The following KIRREL3 variants were observed in gnomAD, a reference collection of about 807,000 sequenced individuals.
The protein encoded by KIRREL3 is kin of IRRE-like protein 3.
KIRREL3 carries 36 observed loss-of-function variants against 89.7 expected under a neutral mutation model. The observed-to-expected ratio is 0.40, with a 90% CI of 0.31 to 0.53. The LOEUF is 0.53. Ranked by LOEUF, KIRREL3 falls within the 20% of genes least tolerant of loss-of-function variation. The pLI is 0.49. For missense variants in KIRREL3, 864 were observed against 1,056.6 expected, an observed-to-expected ratio of 0.82 and a Z score of 2.53; for synonymous variants, 445 against 441.4, an observed-to-expected ratio of 1.01 and a Z score of -0.10.
At chr11:126,440,773 C>A (rs1955533128) in intron 10 of KIRREL3, 5 of 597,888 alleles carry the variant, frequency 8.4e-6, no homozygotes, top group South Asian at 5.9e-5. Flanking sequence ...TAAGTCAGAA[C>A]CCCCAGAAGA....
chr11:126,999,597 G>A lies in KIRREL3; in HGVS notation c.55+858C>T, dbSNP rs572835566. On this transcript the variant is annotated intron_variant, in intron 1 of 16. Coordinates refer to ENST00000525144, the MANE Select transcript of KIRREL3 (RefSeq NM_032531.4). This position sits in a 1 kb window ranked among gnomAD's most constrained non-coding sequence, Gnocchi z 5.7. ...AGAGCGGGAAGGAGCCCATGTACTT[G>A]CCCCTCCAAACTCAATTCCACAGGT... is the stretch of plus-strand genomic sequence containing the variant. 6.6e-6 allele frequency among the ~76,000 whole-genome samples: 1 copy of A among 152,208 alleles called. No individual in the cohort carries two copies. Among genetic ancestry groups the A allele is most frequent in the Non-Finnish European group, 1.5e-5 (1 of 68,038 alleles).
In KIRREL3 at chr11:126,872,649, CT is replaced by C. The variant is rs1945145425; in HGVS notation, c.55+127805del. On this transcript the variant is annotated intron_variant, in intron 1 of 16. Coordinates refer to ENST00000525144, the MANE Select transcript of KIRREL3 (RefSeq NM_032531.4). This position sits in a 1 kb window ranked among gnomAD's most constrained non-coding sequence, Gnocchi z 4.2. ...TGAAAAAATGCTCCAGAGTGTCTATCTTTTCTTTCTCTGTCTCCCTCCTATC... is the reference window on the plus strand; with the variant it reads ...TGAAAAAATGCTCCAGAGTGTCTATCTTTCTTTCTCTGTCTCCCTCCTATC... Among the ~76,000 whole-genome samples, 1 of 152,212 alleles carries C rather than the reference CT, an allele frequency of 6.6e-6. No homozygotes were observed. Among genetic ancestry groups the C allele is most frequent in the Admixed American group, 6.5e-5 (1 of 15,278 alleles).
chr11:126,724,179 C>T lies in KIRREL3; in HGVS notation c.56-161267G>A, dbSNP rs2134176807. 6.6e-6 allele frequency among the ~76,000 whole-genome samples: 1 copy of T among 152,286 alleles called. No homozygotes were observed. The highest frequency in any genetic ancestry group is 1.9e-4 in the East Asian group (1 of 5,184). ...GAGACAATGTGGGGAAGAACATCAC[C>T]CCCATTTCAACCTTCAGAGGCAGGT... On this transcript the variant is annotated intron_variant, in intron 1 of 16. Transcript: ENST00000525144. The surrounding 1 kb of genome is among the most constrained non-coding windows in gnomAD (Gnocchi z 4.3).
Position 126,808,352 on chromosome 11 carries a change from C to A in KIRREL3, c.55+192103G>T, listed in dbSNP as rs73024536. 0.031 allele frequency among the ~76,000 whole-genome samples: 4,721 copies of A among 152,268 alleles called. 78 individuals are homozygous for A. Among genetic ancestry groups the A allele is most frequent in the African/African-American group, 0.044 (1,815 of 41,548 alleles). On this transcript the variant is annotated intron_variant, in intron 1 of 16. Coordinates refer to ENST00000525144, the MANE Select transcript of KIRREL3 (RefSeq NM_032531.4). This position sits in a 1 kb window ranked among gnomAD's most constrained non-coding sequence, Gnocchi z 4.1. ...AATGGGGGTGCAGCTTTCAAGGAGT[C>A]ATTTCAGCAATTTAGTCCTTGCTCC... is the stretch of plus-strand genomic sequence containing the variant.
At chr11:126,638,485 T>C (rs376944430) in intron 1 of KIRREL3, among the ~76,000 whole-genome samples, 1 of 152,230 alleles carries the variant, frequency 6.6e-6, no homozygotes, top group African/African-American at 2.4e-5. Flanking sequence ...TCTGGCCTAG[T>C]GTCACAGAAT....
intron 1 of KIRREL3, among the ~76,000 whole-genome samples, chr11:126,626,200 G>A (rs757335311): frequency 6.6e-6 from 1 of 152,232 alleles, no homozygotes; most frequent in Non-Finnish European, 1.5e-5. Context: ...CAGAAAAACT[G>A]TCCTTCAACT....
intron 13 of KIRREL3, among the ~76,000 whole-genome samples, chr11:126,434,328 C>T (rs1050555014): frequency 4.6e-5 from 7 of 152,214 alleles, no homozygotes; most frequent in African/African-American, 4.8e-5. Flanking sequence ...ACAGGAGACA[C>T]GGAGACAGGA....
In KIRREL3 at chr11:126,424,740, T is replaced by G; in HGVS notation, c.2177A>C (p.Gln726Pro). 1.2e-6 allele frequency: 2 copies of G among 1,614,042 alleles called. No homozygotes were observed. The highest frequency in any genetic ancestry group is 1.7e-6 in the Non-Finnish European group (2 of 1,179,896). Residue 726 changes from glutamine (Q) to proline (P), a missense_variant, in exon 17 of 17, where the codon CAG becomes CCG. Physicochemically the swap from Gln to Pro is moderately conservative, Grantham distance 76 (BLOSUM62 -1). Transcript: ENST00000525144. ...LSDSSSFLDT[Q>P]CDSSVSSSGK... Reference sequence around the variant, plus strand: ...GCTGCTGCTGACGCTGCTGTCACACTGCGTGTCCAGGAAGGAGCTGCTGTC... The same window carrying G: ...GCTGCTGCTGACGCTGCTGTCACACGGCGTGTCCAGGAAGGAGCTGCTGTC...
Position 126,611,600 on chromosome 11 carries a change from G to C in KIRREL3, c.56-48688C>G, listed in dbSNP as rs1406951166. ...TGTCGTGAGGGCAATGGCCTGCAGA[G>C]TCCAAAGGTGGCTGTCATGTCATTT... On this transcript the variant is annotated intron_variant, in intron 1 of 16. Coordinates refer to ENST00000525144, the MANE Select transcript of KIRREL3 (RefSeq NM_032531.4). This position sits in a 1 kb window ranked among gnomAD's most constrained non-coding sequence, Gnocchi z 4.7. Among the ~76,000 whole-genome samples, 2 of 152,146 alleles carry C rather than the reference G, an allele frequency of 1.3e-5. No individual in the cohort carries two copies. Among genetic ancestry groups the C allele is most frequent in the African/African-American group, 4.8e-5 (2 of 41,418 alleles).
Position 126,641,626 on chromosome 11 carries a change from G to T in KIRREL3, c.56-78714C>A, listed in dbSNP as rs1489239556. Among the ~76,000 whole-genome samples the T allele has an allele frequency of 6.6e-6, 1 of 151,954 alleles. No homozygotes were observed. Among genetic ancestry groups the T allele is most frequent in the Non-Finnish European group, 1.5e-5 (1 of 68,004 alleles). On this transcript the variant is annotated intron_variant, in intron 1 of 16. Coordinates refer to ENST00000525144, the MANE Select transcript of KIRREL3 (RefSeq NM_032531.4). This position sits in a 1 kb window ranked among gnomAD's most constrained non-coding sequence, Gnocchi z 5.0. Reference sequence around the variant, plus strand: ...ACACCAGCCTCCTGGCTTCTTATGGGGATAGTGGCTGCATCATGTCCCACT... The same window carrying T: ...ACACCAGCCTCCTGGCTTCTTATGGTGATAGTGGCTGCATCATGTCCCACT...
chr11:126,488,374 G>A (rs772494675), intron 4 of KIRREL3, among the ~76,000 whole-genome samples: 9 of 152,360 alleles, frequency 5.9e-5, no homozygotes, highest in Non-Finnish European at 8.8e-5. Context: ...CAACCTTCCT[G>A]AGCCTCAGTT....
In KIRREL3 at chr11:126,551,065, A is replaced by C. The variant is rs916844746; in HGVS notation, c.133+11770T>G. 2.0e-5 allele frequency among the ~76,000 whole-genome samples: 3 copies of C among 152,170 alleles called. No individual in the cohort carries two copies. The highest frequency in any genetic ancestry group is 6.5e-5 in the Admixed American group (1 of 15,270). On this transcript the variant is annotated intron_variant, in intron 2 of 16. Coordinates refer to ENST00000525144, the MANE Select transcript of KIRREL3 (RefSeq NM_032531.4). The surrounding 1 kb of genome is among the most constrained non-coding windows in gnomAD (Gnocchi z 4.9). ...AGTGGCACGAAGACCTCAGGGAAACACTTACCTATGTTTACAGTTTATTCT... is the reference window on the plus strand; with the variant it reads ...AGTGGCACGAAGACCTCAGGGAAACCCTTACCTATGTTTACAGTTTATTCT...
chr11:126,738,327 GT>G (rs1948873305), intron 1 of KIRREL3, among the ~76,000 whole-genome samples: 1 of 152,084 alleles, frequency 6.6e-6, no homozygotes, highest in Admixed American at 6.5e-5. Flanking sequence ...CTTTGAGCAG[GT>G]GAGCGCTCTC....
chr11:126,962,328 T>C (rs1278170336), intron 1 of KIRREL3, among the ~76,000 whole-genome samples: 1 of 152,128 alleles, frequency 6.6e-6, no homozygotes, highest in African/African-American at 2.4e-5. Flanking sequence ...ATAGCAATAT[T>C]AATAGGAGTT....
chr11:126,943,766 C>T lies in KIRREL3; in HGVS notation c.55+56689G>A, dbSNP rs907744249. ...GTGAAAGGAAGGCTGCCACATTTCC[C>T]TATGCCCCCTGAGTTTTAGAGATAC... On this transcript the variant is annotated intron_variant, in intron 1 of 16. Transcript: ENST00000525144. The surrounding 1 kb of genome is among the most constrained non-coding windows in gnomAD (Gnocchi z 4.2). 6.6e-6 allele frequency among the ~76,000 whole-genome samples: 1 copy of T among 152,184 alleles called. No homozygotes were observed. Among genetic ancestry groups the T allele is most frequent in the Non-Finnish European group, 1.5e-5 (1 of 68,022 alleles).
chr11:126,557,785 G>T lies in KIRREL3; in HGVS notation c.133+5050C>A, dbSNP rs767150629. ...TGGGAAGTGAGGACAGGTGCTGTGG[G>T]GGAGGGGCATTTGCACACAGAGCCT... On this transcript the variant is annotated intron_variant, in intron 2 of 16. Transcript: ENST00000525144. This position sits in a 1 kb window ranked among gnomAD's most constrained non-coding sequence, Gnocchi z 5.6. Among the ~76,000 whole-genome samples the T allele has an allele frequency of 5.3e-5, 8 of 152,214 alleles. No homozygotes were observed. The highest frequency in any genetic ancestry group is 1.0e-4 in the Non-Finnish European group (7 of 68,042).
At chr11:126,921,267 G>C (rs889587205) in intron 1 of KIRREL3, among the ~76,000 whole-genome samples, 1 of 152,144 alleles carries the variant, frequency 6.6e-6, no homozygotes, top group Non-Finnish European at 1.5e-5. Flanking sequence ...ATGACCTTGG[G>C]CATGGACTGA....
At position 126,795,583 on chromosome 11, in the gene KIRREL3, C is replaced by A. The variant is rs1447734323; in HGVS notation, c.55+204872G>T. ...GTAGAGACGGGGTTTCTACTAAAACCCTGTTGGCCAGGCTGGTCTTGAACT... is the reference window on the plus strand; with the variant it reads ...GTAGAGACGGGGTTTCTACTAAAACACTGTTGGCCAGGCTGGTCTTGAACT... On this transcript the variant is annotated intron_variant, in intron 1 of 16. Transcript: ENST00000525144. The surrounding 1 kb of genome is among the most constrained non-coding windows in gnomAD (Gnocchi z 4.1). Among the ~76,000 whole-genome samples, 2 of 151,858 alleles carry A rather than the reference C, an allele frequency of 1.3e-5. No individual in the cohort carries two copies. Among genetic ancestry groups the A allele is most frequent in the Admixed American group, 1.3e-4 (2 of 15,242 alleles).
rs138795005 is a variant in KIRREL3 at position 126,620,805 on chromosome 11, G to T, written c.56-57893C>A. ...TAATAAATCATCCAAACCCAGAGAA[G>T]ATAACTTCTGCTTTCTTCTTGGAGC... On this transcript the variant is annotated intron_variant, in intron 1 of 16. Coordinates refer to ENST00000525144, the MANE Select transcript of KIRREL3 (RefSeq NM_032531.4). This position sits in a 1 kb window ranked among gnomAD's most constrained non-coding sequence, Gnocchi z 4.8. Among the ~76,000 whole-genome samples, 548 of 152,284 alleles carry T rather than the reference G, an allele frequency of 3.6e-3. 3 individuals carry two copies. Among genetic ancestry groups the T allele is most frequent in the Non-Finnish European group, 5.5e-3 (374 of 68,034 alleles).
Sources: gnomAD v4.1 joint callset for allele counts (sites outside exome capture counted in the v4.1 genomes callset) on GRCh38, gnomAD v4.1.1 for gene constraint, Gnocchi (gnomAD v3.1) non-coding constraint, MANE v1.5 for transcripts, NCBI Gene and HGNC (gene_info 2026-07-23, HGNC 2026-07-21) for gene names.